Variants in BAIAP3 observed in about 807,000 individuals in gnomAD.
BAIAP3 encodes the protein BAI1-associated protein 3.
Under a neutral mutation model 149.7 loss-of-function variants are expected in BAIAP3, and 180 were observed. That is an observed-to-expected ratio of 1.20 (90% CI 1.07 to 1.36). The LOEUF is 1.36. Among genes scored for constraint, BAIAP3 ranks in the 40% most tolerant of loss-of-function variants. The pLI, the probability that BAIAP3 is intolerant of heterozygous loss-of-function variation, is 0.00. For missense variants in BAIAP3, 1,767 were observed against 1,563.4 expected (o/e 1.13, Z -2.20); for synonymous variants, 845 against 670.7 (o/e 1.26, Z -4.02).
chr16:1,345,800 T>G lies in BAIAP3; in HGVS notation c.2118T>G (p.Gly706=). The change falls in exon 23 of 34, where the codon GGT becomes GGG. Residue 706 remains glycine, a synonymous_variant. Transcript: ENST00000426824. ...SRHSSSAATA[G]LCLSHIQELW... is the part of the protein sequence containing the mutation. ...ACAGCAGCTCCGCAGCCACTGCTGG[T>G]CTCTGCCTCAGCCACATCCAGGAGT... 1 of 1,575,480 alleles carries G rather than the reference T, an allele frequency of 6.3e-7. No individual in the cohort carries two copies. The highest frequency in any genetic ancestry group is 8.6e-7 in the Non-Finnish European group (1 of 1,165,230).
At chr16:1,336,462 C>A in intron 1 of BAIAP3, 1 of 920,458 alleles carries the variant, frequency 1.1e-6, no homozygotes, top group South Asian at 5.0e-5. Context: ...CCTTCCTGTC[C>A]TCAGCTCTAG....
At chr16:1,334,384 A>C in intron 1 of BAIAP3, 2 of 466,596 alleles carry the variant, frequency 4.3e-6, no homozygotes, top group Non-Finnish European at 7.8e-6. Flanking sequence ...CTCCGAGGGG[A>C]GAGACCCCCA....
At chr16:1,338,748 G>GC (rs1208881374) in intron 2 of BAIAP3, 68 bp downstream of exon 2, 31 of 1,561,970 alleles carry the variant, frequency 2.0e-5, no homozygotes, top group Non-Finnish European at 2.7e-5. Flanking sequence ...ACACATGGCC[G>GC]CCCCTGCCCC....
At position 1,349,082 on chromosome 16, in the gene BAIAP3, G is replaced by T; in HGVS notation, c.*600G>T. ...GAGGCCAGGGACGTCACCCAAGGCT[G>T]GTGGTCAGTGTGAAGGGCTCCGTGC... is the stretch of plus-strand genomic sequence containing the variant. On this transcript the variant is annotated 3_prime_UTR_variant, in exon 34 of 34. Transcript: ENST00000426824. The T allele has an allele frequency of 6.0e-6, 2 of 335,512 alleles. No individual in the cohort carries two copies. Among genetic ancestry groups the T allele is most frequent in the South Asian group, 5.7e-5 (2 of 35,242 alleles). 20.8% of individuals were successfully genotyped at this position (335,512 alleles called of 1,614,324 possible). A position where few individuals can be genotyped will look rare whatever the true frequency, so the allele number is the denominator to read the frequency against.
rs930924456 is a variant in BAIAP3 at position 1,342,547 on chromosome 16, C to T, written c.978C>T (p.Val326=). ...IPVREVPVAG[V]DRWFKLEPRS... Reference sequence around the variant, plus strand: ...CCCAGGAGGTGCCTGTGGCTGGCGTCGACCGCTGGTTCAAGCTGGAGCCAC... The same window carrying T: ...CCCAGGAGGTGCCTGTGGCTGGCGTTGACCGCTGGTTCAAGCTGGAGCCAC... The change falls in exon 12 of 34, where the codon GTC becomes GTT. Residue 326 remains valine, a synonymous_variant. Coordinates refer to ENST00000426824, the MANE Select transcript of BAIAP3 (RefSeq NM_001199097.2). The T allele has an allele frequency of 6.4e-6, 10 of 1,552,756 alleles. No homozygotes were observed. The Admixed American group carries it at 7.8e-5, about 12-fold the overall frequency.
Position 1,348,271 on chromosome 16 carries a change from A to G in BAIAP3, c.3325A>G (p.Thr1109Ala), listed in dbSNP as rs780897011. The G allele has an allele frequency of 6.2e-7, 1 of 1,600,968 alleles. No individual in the cohort carries two copies. The highest frequency in any genetic ancestry group is 8.5e-7 in the Non-Finnish European group (1 of 1,175,082). ...GGGARAGQPV[T>A]LHLCRPRAQV... is the part of the protein sequence containing the mutation. ...GGGTGCAAGGGCTGGGCAGCCTGTC[A>G]CCCTGCACCTGTGCCGGCCCAGAGC... Residue 1109 changes from threonine to alanine, a missense_variant, in exon 33 of 34, where the codon ACC becomes GCC. Physicochemically the swap from Thr to Ala is moderately conservative, Grantham distance 58 (BLOSUM62 0). Coordinates refer to ENST00000426824, the MANE Select transcript of BAIAP3 (RefSeq NM_001199097.2).
Position 1,348,113 on chromosome 16 carries a change from C to G in BAIAP3, c.3167C>G (p.Ala1056Gly). Residue 1056 changes from alanine to glycine, a missense_variant, in exon 33 of 34, where the codon GCG (alanine) becomes GGG (glycine). Ala to Gly is a moderately conservative substitution (Grantham distance 60). Transcript: ENST00000426824. Reference sequence around the variant, plus strand: ...GTCCGCAGTTCCGTGCCTGCCGAGGCGTGCCGCCGCCGCGCGGCCTGTGTG... The same window carrying G: ...GTCCGCAGTTCCGTGCCTGCCGAGGGGTGCCGCCGCCGCGCGGCCTGTGTG... Reference protein sequence around the residue: ...ELFYFSVPAEACRRRAACVLF... With the variant: ...ELFYFSVPAEGCRRRAACVLF... 1 of 1,603,428 alleles carries G rather than the reference C, an allele frequency of 6.2e-7. No homozygotes were observed. Among genetic ancestry groups the G allele is most frequent in the Non-Finnish European group, 8.5e-7 (1 of 1,179,382 alleles).
At chr16:1,342,402 G>T in intron 11 of BAIAP3, 119 bp downstream of exon 11, 1 of 1,369,412 alleles carries the variant, frequency 7.3e-7, no homozygotes, top group Non-Finnish European at 1.0e-6. Flanking sequence ...CACTGAGTGC[G>T]CTTGTCACCC....
In BAIAP3 at chr16:1,348,655, T is replaced by A; in HGVS notation, c.*173T>A. 1 of 673,900 alleles carries A rather than the reference T, an allele frequency of 1.5e-6. No individual in the cohort carries two copies. Among genetic ancestry groups the A allele is most frequent in the Non-Finnish European group, 2.5e-6 (1 of 395,542 alleles). The allele number at this position is 673,900 out of a possible 1,614,324, so 41.7% of individuals were successfully genotyped here. A position where few individuals can be genotyped will look rare whatever the true frequency, so the allele number is the denominator to read the frequency against. On this transcript the variant is annotated 3_prime_UTR_variant, in exon 34 of 34. Transcript: ENST00000426824. ...TACCGCCCTGGCCGTGTCTGTCTGG[T>A]GTGTGCTGTGAACCCCTGCACCCAA...
chr16:1,342,811 G>A lies in BAIAP3; in HGVS notation c.1158G>A (p.Glu386=). The A allele has an allele frequency of 6.2e-7, 1 of 1,612,702 alleles. No homozygotes were observed. Among genetic ancestry groups the A allele is most frequent in the South Asian group, 1.1e-5 (1 of 91,078 alleles). The change falls in exon 13 of 34, where the codon GAG becomes GAA. Residue 386 remains glutamate (E), a synonymous_variant. Transcript: ENST00000426824. ...TGCTGCGGTTGGAGCACTCAGCAGA[G>A]GAGGTAGTGGGTGCGCCTAGGATTG... ...SHLLRLEHSA[E]EPNSSSWRGE...
Position 1,344,861 on chromosome 16 carries a change from C to T in BAIAP3, c.1809+12C>T, listed in dbSNP as rs941842770. Reference sequence around the variant, plus strand: ...AGCTGGAGCGTCTGGTGAGGAGGGTCCCTGACCCCGGGTGCCTGCCAGGCA... The same window carrying T: ...AGCTGGAGCGTCTGGTGAGGAGGGTTCCTGACCCCGGGTGCCTGCCAGGCA... On this transcript the variant is annotated intron_variant, in intron 20 of 33. Coordinates refer to ENST00000426824, the MANE Select transcript of BAIAP3 (RefSeq NM_001199097.2). 11 of 1,613,572 alleles carry T rather than the reference C, an allele frequency of 6.8e-6. No individual in the cohort carries two copies. In the African/African-American group the frequency reaches 1.3e-4, roughly 20 times the overall value.
chr16:1,344,035 C>G lies in BAIAP3; in HGVS notation c.1400C>G (p.Ala467Gly). Residue 467 changes from alanine (A) to glycine (G), a missense_variant, in exon 16 of 34, where the codon GCT becomes GGT. Ala to Gly is a moderately conservative substitution (Grantham distance 60). Coordinates refer to ENST00000426824, the MANE Select transcript of BAIAP3 (RefSeq NM_001199097.2). The stretch of plus-strand genomic sequence containing the variant: ...CTGTCCCCACAGGAGGAGAGCCTGG[C>G]TGATAGCCTTTCCGCCTTCTCTGAG... ...SLPQEQEESL[A>G]DSLSAFSEFG... 2 of 1,612,418 alleles carry G rather than the reference C, an allele frequency of 1.2e-6. No homozygotes were observed. The highest frequency in any genetic ancestry group is 1.1e-5 in the South Asian group (1 of 91,088).
At position 1,339,264 on chromosome 16, in the gene BAIAP3, C is replaced by A; in HGVS notation, c.300+20C>A. The A allele has an allele frequency of 1.3e-6, 2 of 1,554,266 alleles. No individual in the cohort carries two copies. Among genetic ancestry groups the A allele is most frequent in the South Asian group, 1.2e-5 (1 of 84,630 alleles). On this transcript the variant is annotated intron_variant, in intron 4 of 33. Transcript: ENST00000426824. ...GAGGAGGTAAAGGTGGGGGTCGGAA[C>A]CAGGGGCAGTCGTCTGCAGCGGCTG...
rs116625196 is a variant in BAIAP3, at chr16:1,347,584, C to T, written c.2863C>T (p.Arg955Cys). 9.9e-5 allele frequency: 160 copies of T among 1,612,712 alleles called. 2 individuals carry two copies. The East Asian group carries it at 3.0e-3, about 30-fold the overall frequency. ...GCTGCGGCTGCACAAATGTTCCACC[C>T]GCGAGTGCATCGAGCAGTTCTACCT... is the stretch of plus-strand genomic sequence containing the variant. The part of the protein sequence containing the change: ...EELRLHKCST[R>C]ECIEQFYLDK... Residue 955 changes from arginine (R) to cysteine (C), a missense_variant, in exon 30 of 34, where the codon CGC (arginine) becomes TGC (cysteine). Physicochemically the swap from Arg to Cys is radical, Grantham distance 180 (BLOSUM62 -3). Coordinates refer to ENST00000426824, the MANE Select transcript of BAIAP3 (RefSeq NM_001199097.2).
Position 1,344,088 on chromosome 16 carries a change from C to G in BAIAP3, c.1453C>G (p.Arg485Gly). The change falls in exon 16 of 34, where the codon CGA (arginine) becomes GGA (glycine). Residue 485 changes from arginine (R) to glycine (G), a missense_variant. By Grantham distance (125) the Arg-to-Gly change is moderately radical (BLOSUM62 -2). Coordinates refer to ENST00000426824, the MANE Select transcript of BAIAP3 (RefSeq NM_001199097.2). ...CGGGCTGCAGCTGCTGCGCCAGCTC[C>G]GAGACTACTTCCCTGCCACCAACAG... is the stretch of plus-strand genomic sequence containing the variant. Reference protein sequence around the residue: ...EFGLQLLRQLRDYFPATNSTA... With the variant: ...EFGLQLLRQLGDYFPATNSTA... The G allele has an allele frequency of 9.3e-6, 15 of 1,612,164 alleles. No individual in the cohort carries two copies. Among genetic ancestry groups the G allele is most frequent in the Non-Finnish European group, 1.3e-5 (15 of 1,179,902 alleles).
chr16:1,348,056 G>C (rs905720655), intron 32 of BAIAP3, 39 bp downstream of exon 32: 3 of 1,530,770 alleles, frequency 2.0e-6, no homozygotes, highest in African/African-American at 1.9e-5. Flanking sequence ...CCAGGCTCCA[G>C]GCTGCCGGAG....
chr16:1,346,152 T>C lies in BAIAP3; in HGVS notation c.2302-18T>C. The C allele has an allele frequency of 6.2e-7, 1 of 1,609,266 alleles. No individual in the cohort carries two copies. On this transcript the variant is annotated intron_variant, in intron 24 of 33. Transcript: ENST00000426824. ...ACCAGGCCCCGGACCCATCGTTGCC[T>C]GGCCACACCTCCTCCAGCTCTGCGT...
chr16:1,344,107 C>T lies in BAIAP3; in HGVS notation c.1472C>T (p.Thr491Ile), dbSNP rs762649463. 66 of 1,611,904 alleles carry T rather than the reference C, an allele frequency of 4.1e-5. No homozygotes were observed. Among genetic ancestry groups the T allele is most frequent in the African/African-American group, 5.3e-5 (4 of 74,900 alleles). The change falls in exon 16 of 34, where the codon ACC becomes ATC. Residue 491 changes from threonine (T) to isoleucine (I), a missense_variant. Physicochemically the swap from Thr to Ile is moderately conservative, Grantham distance 89. Transcript: ENST00000426824. ...LRQLRDYFPA[T>I]NSTAVHRLEL... ...CAGCTCCGAGACTACTTCCCTGCCA[C>T]CAACAGCACCGCTGTCCACCGCCTG...
rs2033653584 is a variant in BAIAP3 at position 1,338,847 on chromosome 16, C to T, written c.132-55C>T. The T allele has an allele frequency of 2.5e-6, 4 of 1,605,752 alleles. No individual in the cohort carries two copies. The Admixed American group carries it at 5.0e-5, about 20-fold the overall frequency. On this transcript the variant is annotated intron_variant, in intron 2 of 33. Transcript: ENST00000426824. ...CCTTCCTGCCCCTGGAGTCGAGGGT[C>T]CCAGGCAGGGGCCAGCGTGCTGAGA...
Sources: allele counts gnomAD v4.1 joint callset, GRCh38; gene constraint gnomAD v4.1.1; transcripts MANE v1.5; gene names NCBI Gene and HGNC (gene_info 2026-07-23, HGNC 2026-07-21).